Variants in OPTN observed in about 807,000 individuals in gnomAD.
OPTN encodes the protein E3-14.7K-interacting protein.
A neutral mutation model predicts 70.4 loss-of-function variants in OPTN; 54 were observed. The ratio of observed to expected loss-of-function variants is 0.77; its 90% confidence interval spans 0.62 to 0.96. OPTN has a LOEUF of 0.96. OPTN is among the 40% of genes least tolerant of loss of function. OPTN has a pLI of 0.00. For synonymous variants in OPTN, 256 were observed against 248.5 expected (o/e 1.03, Z -0.28); for missense variants, 624 against 673.2 (o/e 0.93, Z 0.81).
chr10:13,133,614 A>G (rs1833637639), intron 14 of OPTN, 33 bp downstream of exon 14: 1 of 1,571,702 alleles, frequency 6.4e-7, no homozygotes, highest in African/African-American at 1.3e-5. Flanking sequence ...TTTTCAGGAA[A>G]TAGCTATCCT....
chr10:13,112,415 T>C (rs1588436397), intron 4 of OPTN, 38 bp from the exon 5 acceptor site: 1 of 1,601,472 alleles, frequency 6.2e-7, no homozygotes, highest in African/African-American at 1.3e-5. Context: ...CAGCCTTAGT[T>C]TGATCTGTTC....
In OPTN at chr10:13,124,115, G is replaced by C; in HGVS notation, c.998+5G>C. The stretch of plus-strand genomic sequence containing the variant: ...GAAGAAGAGACTTCAAGAAAAGTAA[G>C]AATGAGAGAGCAATTTTATCCTCCT... On this transcript the variant is annotated splice_donor_5th_base_variant and intron_variant, in intron 9 of 14. Coordinates refer to ENST00000378747, the MANE Select transcript of OPTN (RefSeq NM_001008212.2). The C allele has an allele frequency of 6.7e-7, 1 of 1,494,192 alleles. No homozygotes were observed. The highest frequency in any genetic ancestry group is 9.3e-7 in the Non-Finnish European group (1 of 1,072,674). The allele number at this position is 1,494,192 out of a possible 1,614,324, so 92.6% of individuals were successfully genotyped here.
rs1438973637 is a variant in OPTN at position 13,137,366 on chromosome 10, T to C, written c.*500T>C. 1.6e-5 allele frequency: 4 copies of C among 247,544 alleles called. No homozygotes were observed. The Admixed American group carries it at 2.0e-4, about 12-fold the overall frequency. 15.3% of individuals were successfully genotyped at this position (247,544 alleles called of 1,614,324 possible). On this transcript the variant is annotated 3_prime_UTR_variant, in exon 15 of 15. Coordinates refer to ENST00000378747, the MANE Select transcript of OPTN (RefSeq NM_001008212.2). Reference sequence around the variant, plus strand: ...TCTACGTAGAACACCTTTGGTGGAGTTCCATCAACTCGCAAAGTAGAATCC... The same window carrying C: ...TCTACGTAGAACACCTTTGGTGGAGCTCCATCAACTCGCAAAGTAGAATCC...
rs1057315366 is a variant in OPTN, at chr10:13,137,162, G to A, written c.*296G>A. 17 of 436,568 alleles carry A rather than the reference G, an allele frequency of 3.9e-5. No individual in the cohort carries two copies. The highest frequency in any genetic ancestry group is 2.8e-4 in the Admixed American group (8 of 28,828). The allele number at this position is 436,568 out of a possible 1,614,324, so 27.0% of individuals were successfully genotyped here. A position where few individuals can be genotyped will look rare whatever the true frequency, so the allele number is the denominator to read the frequency against. ...AGCATGGTGGCGCATGCCTGTAGTC[G>A]CAGCTACTCGCGAGGTTGAGGCAGG... is the stretch of plus-strand genomic sequence containing the variant. On this transcript the variant is annotated 3_prime_UTR_variant, in exon 15 of 15. Coordinates refer to ENST00000378747, the MANE Select transcript of OPTN (RefSeq NM_001008212.2).
chr10:13,127,819 C>CAAACAGCTGCAAATGGA lies in OPTN; in HGVS notation c.1318_1334dup (p.Asp445GlufsTer9). 3 of 1,613,990 alleles carry CAAACAGCTGCAAATGGA rather than the reference C, an allele frequency of 1.9e-6. No homozygotes were observed. The South Asian group carries it at 3.3e-5, about 18-fold the overall frequency. Reference sequence around the variant, plus strand: ...AACTGGCAGAGAAGGCTCTGGCTTCCAAACAGCTGCAAATGGATGAAATGA... The same window carrying CAAACAGCTGCAAATGGA: ...AACTGGCAGAGAAGGCTCTGGCTTCCAAACAGCTGCAAATGGAAAACAGCTGCAAATGGATGAAATGA... On this transcript the variant is annotated frameshift_variant, in exon 12 of 15. Coordinates refer to ENST00000378747, the MANE Select transcript of OPTN (RefSeq NM_001008212.2). LOFTEE classifies it high-confidence loss of function.
At chr10:13,110,227 A>C (rs1832965946) in intron 3 of OPTN, 47 bp from the exon 4 acceptor site, 1 of 1,606,010 alleles carries the variant, frequency 6.2e-7, no homozygotes, top group African/African-American at 1.3e-5. Flanking sequence ...CATCAGATCA[A>C]GTCCACTTTC....
At chr10:13,130,029 G>GC (rs1197759640) in intron 12 of OPTN, among the ~76,000 whole-genome samples, 1 of 152,140 alleles carries the variant, frequency 6.6e-6, no homozygotes, top group Non-Finnish European at 1.5e-5. Context: ...CTTCCACTCT[G>GC]CTGCAGTCAT....
In OPTN at chr10:13,110,467, G is replaced by T. The variant is rs766971765; in HGVS notation, c.360G>T (p.Arg120Ser). Residue 120 changes from arginine to serine, a missense_variant, in exon 4 of 15, where the codon AGG (arginine) becomes AGT (serine). By Grantham distance (110) the Arg-to-Ser change is moderately radical. Coordinates refer to ENST00000378747, the MANE Select transcript of OPTN (RefSeq NM_001008212.2). Reference protein sequence around the residue: ...ELGKLKGKSERSSEDPTDDSR... With the variant: ...ELGKLKGKSESSSEDPTDDSR... ...GAAAACTAAAAGGGAAATCAGAAAG[G>T]TCATCTGAGGTGAGCAGACCGATCC... The T allele has an allele frequency of 6.2e-7, 1 of 1,613,112 alleles. No homozygotes were observed. The highest frequency in any genetic ancestry group is 8.5e-7 in the Non-Finnish European group (1 of 1,179,538).
At chr10:13,119,804 G>T (rs11258214) in intron 7 of OPTN, among the ~76,000 whole-genome samples, 2 of 152,202 alleles carry the variant, frequency 1.3e-5, no homozygotes, top group East Asian at 3.9e-4. Context: ...TAGTGACAGC[G>T]ATGTTGAGCA....
At chr10:13,108,479 T>C (rs1036674173) in intron 2 of OPTN, among the ~76,000 whole-genome samples, 190 bp downstream of exon 2, 1 of 152,134 alleles carries the variant, frequency 6.6e-6, no homozygotes, top group African/African-American at 2.4e-5. Context: ...TGTCTACATA[T>C]ATCCTGATCA....
intron 4 of OPTN, 23 bp downstream of exon 4, chr10:13,110,499 A>G (rs1677869143): frequency 1.3e-6 from 2 of 1,526,044 alleles, no homozygotes; most frequent in South Asian, 2.3e-5. Context: ...ATCCATTGTG[A>G]TGTTGTTTTT....
At chr10:13,113,362 A>G (rs564474326) in intron 5 of OPTN, among the ~76,000 whole-genome samples, 7 of 152,234 alleles carry the variant, frequency 4.6e-5, no homozygotes, top group Non-Finnish European at 7.4e-5. Context: ...GGTATGAGGA[A>G]CCCTGATACA....
intron 5 of OPTN, among the ~76,000 whole-genome samples, chr10:13,113,721 A>G (rs1202958309): frequency 6.6e-6 from 1 of 152,160 alleles, no homozygotes; most frequent in Non-Finnish European, 1.5e-5. Context: ...CCTCTGTAGT[A>G]TAGATGGTCA....
In OPTN at chr10:13,110,344, G is replaced by C. The variant is rs947592811; in HGVS notation, c.237G>C (p.Gln79His). Reference protein sequence around the residue: ...FEELSAWTEKQKEERQFFEIQ... With the variant: ...FEELSAWTEKHKEERQFFEIQ... ...AGCTTTCGGCCTGGACAGAGAAACAGAAGGAAGAACGCCAGTTTTTTGAGA... is the reference window on the plus strand; with the variant it reads ...AGCTTTCGGCCTGGACAGAGAAACACAAGGAAGAACGCCAGTTTTTTGAGA... Residue 79 changes from glutamine to histidine, a missense_variant, in exon 4 of 15, where the codon CAG becomes CAC. By Grantham distance (24) the Gln-to-His change is conservative. Coordinates refer to ENST00000378747, the MANE Select transcript of OPTN (RefSeq NM_001008212.2). 6.2e-7 allele frequency: 1 copy of C among 1,614,152 alleles called. No homozygotes were observed.
At chr10:13,132,602 A>T (rs1833617296) in intron 13 of OPTN, among the ~76,000 whole-genome samples, 1 of 151,914 alleles carries the variant, frequency 6.6e-6, no homozygotes, top group Non-Finnish European at 1.5e-5. Context: ...CTGCAGCCTC[A>T]ACTTCCTGAG....
At position 13,110,618 on chromosome 10, in the gene OPTN, C is replaced by G. The variant is rs74120673; in HGVS notation, c.369+142C>G. On this transcript the variant is annotated intron_variant, in intron 4 of 14. Transcript: ENST00000378747. Reference sequence around the variant, plus strand: ...GTTTTGCCTGGTCTTGGAAGAAGTGCTTTTGCTGAAAAGATTGGTTGCCCT... The same window carrying G: ...GTTTTGCCTGGTCTTGGAAGAAGTGGTTTTGCTGAAAAGATTGGTTGCCCT... 2.1e-4 allele frequency: 179 copies of G among 846,960 alleles called. 1 individual carries two copies. The African/African-American group carries it at 2.9e-3, about 14-fold the overall frequency. The allele number at this position is 846,960 out of a possible 1,614,324, so 52.5% of individuals were successfully genotyped here.
At position 13,126,366 on chromosome 10, in the gene OPTN, C is replaced by T. The variant is rs368712790; in HGVS notation, c.1242+327C>T. Among the ~76,000 whole-genome samples, 1,937 of 150,564 alleles carry T rather than the reference C, an allele frequency of 0.013. 34 individuals carry two copies. The highest frequency in any genetic ancestry group is 0.048 in the South Asian group (229 of 4,724). On this transcript the variant is annotated intron_variant, in intron 11 of 14. Transcript: ENST00000378747. ...CGCGATCTCGGCTCACTGCAAGCTC[C>T]GCCTCCTGGGTTCACGCCATTCTCC...
In OPTN at chr10:13,112,468, T is replaced by C. The variant is rs369071606; in HGVS notation, c.385T>C (p.Ser129Pro). ...TCATCTCCAGGACCCCACTGATGAC[T>C]CCAGGCTTCCCAGGGCCGAAGCGGA... The part of the protein sequence containing the change: ...ERSSEDPTDD[S>P]RLPRAEAEQE... Residue 129 changes from serine (S) to proline (P), a missense_variant, in exon 5 of 15, where the codon TCC (serine) becomes CCC (proline). Coordinates refer to ENST00000378747, the MANE Select transcript of OPTN (RefSeq NM_001008212.2). The C allele has an allele frequency of 5.6e-6, 9 of 1,614,002 alleles. No individual in the cohort carries two copies. In the Admixed American group the frequency reaches 6.7e-5, roughly 12 times the overall value.
At chr10:13,115,463 A>G (rs369518464) in intron 5 of OPTN, among the ~76,000 whole-genome samples, 1 of 100,554 alleles carries the variant, frequency 9.9e-6, no homozygotes, top group African/African-American at 5.2e-5. Context: ...TATATTATAT[A>G]ATATAGAATA....
Sources: gnomAD v4.1 joint callset for allele counts (sites outside exome capture counted in the v4.1 genomes callset) on GRCh38, gnomAD v4.1.1 for gene constraint, MANE v1.5 for transcripts, NCBI Gene and HGNC (gene_info 2026-07-23, HGNC 2026-07-21) for gene names.